Variants in FRA10AC1 observed in about 807,000 individuals in gnomAD.
The protein encoded by FRA10AC1 is FRA10A associated CGG repeat 1, also known as protein FRA10AC1.
FRA10AC1 carries 43 observed loss-of-function variants against 56.5 expected under a neutral mutation model. That is an observed-to-expected ratio of 0.76 (90% CI 0.60 to 0.98). The LOEUF is 0.98. FRA10AC1 is among the 50% of genes least tolerant of loss of function. The pLI is 0.00. For synonymous variants in FRA10AC1, 112 were observed against 110.5 expected (o/e 1.01, Z -0.09); for missense variants, 346 against 351.8 (o/e 0.98, Z 0.13).
At chr10:93,695,849 G>A (rs543570048) in intron 4 of FRA10AC1, among the ~76,000 whole-genome samples, 2 of 152,296 alleles carry the variant, frequency 1.3e-5, no homozygotes, top group South Asian at 4.1e-4. Flanking sequence ...TATTAGAGCT[G>A]GGGTCAGCAA....
intron 7 of FRA10AC1, among the ~76,000 whole-genome samples, chr10:93,691,238 C>T (rs1190646981): frequency 6.6e-6 from 1 of 152,120 alleles, no homozygotes; most frequent in South Asian, 2.1e-4. Context: ...TGCAGTGGCA[C>T]GATCATAGCT....
chr10:93,695,067 C>A, intron 4 of FRA10AC1, 130 bp from the exon 5 acceptor site: 1 of 566,252 alleles, frequency 1.8e-6, no homozygotes, highest in Non-Finnish European at 3.1e-6. Context: ...ACACACTATA[C>A]ATGCTTACAC....
intron 11 of FRA10AC1, among the ~76,000 whole-genome samples, chr10:93,677,517 A>T (rs935029125): frequency 2.0e-5 from 3 of 152,314 alleles, no homozygotes; most frequent in Non-Finnish European, 4.4e-5. Context: ...GTCCATAGGT[A>T]AAAAAGACGT....
In FRA10AC1 at chr10:93,669,812, TTCTC is replaced by T; in HGVS notation, c.*10_*13del. 1 of 1,544,818 alleles carries T rather than the reference TTCTC, an allele frequency of 6.5e-7. No homozygotes were observed. Among genetic ancestry groups the T allele is most frequent in the Non-Finnish European group, 8.8e-7 (1 of 1,131,650 alleles). ...AAGTTTCACATTAAGGAGCGGAGGC[TTCTC>T]TCTCTCGTCTCATAGAAACAAATCC... On this transcript the variant is annotated 3_prime_UTR_variant, in exon 14 of 14. Coordinates refer to ENST00000359204, the MANE Select transcript of FRA10AC1 (RefSeq NM_145246.5).
chr10:93,673,403 A>G (rs776529300), intron 12 of FRA10AC1: 2 of 455,620 alleles, frequency 4.4e-6, no homozygotes, highest in South Asian at 3.1e-5. Flanking sequence ...AGTTTTCTCC[A>G]TACCTCAGTT....
chr10:93,698,546 T>G (rs2059274158), intron 2 of FRA10AC1, 150 bp from the exon 3 acceptor site: 3 of 520,830 alleles, frequency 5.8e-6, no homozygotes, highest in Admixed American at 6.9e-5. Context: ...TTACATTTCC[T>G]TAAATAGCTT....
chr10:93,692,914 ATAC>A (rs1360063407), intron 5 of FRA10AC1, among the ~76,000 whole-genome samples, 185 bp from the exon 6 acceptor site: 1 of 152,174 alleles, frequency 6.6e-6, no homozygotes, highest in Non-Finnish European at 1.5e-5. Context: ...ACTTATAAAA[ATAC>A]TACTACAGAA....
chr10:93,699,031 G>A (rs1030705440), intron 2 of FRA10AC1, among the ~76,000 whole-genome samples: 2 of 152,124 alleles, frequency 1.3e-5, no homozygotes, highest in African/African-American at 2.4e-5. Flanking sequence ...ACTGTAGTAC[G>A]TGGCCCAAGA....
In FRA10AC1 at chr10:93,667,934, GT is replaced by G. The variant is rs1378690816; in HGVS notation, c.*1891del. On this transcript the variant is annotated 3_prime_UTR_variant, in exon 14 of 14. Coordinates refer to ENST00000359204, the MANE Select transcript of FRA10AC1 (RefSeq NM_145246.5). ...AGAAGTGAGGGGACTATCAAACAAT[GT>G]TAAACACTGATAAACCCAACACTGA... is the stretch of plus-strand genomic sequence containing the variant. 6.6e-6 allele frequency: 1 copy of G among 152,158 alleles called. No individual in the cohort carries two copies. Among genetic ancestry groups the G allele is most frequent in the African/African-American group, 2.4e-5 (1 of 41,430 alleles). 9.4% of individuals were successfully genotyped at this position (152,158 alleles called of 1,614,324 possible).
In FRA10AC1 at chr10:93,681,551, T is replaced by A. The variant is rs2058935193; in HGVS notation, c.716A>T (p.Asp239Val). ...SKKRKDKTKK[D>V]CEESSHKKSR... ...TTTTTTATGTGATGACTCTTCACAG[T>A]CTTTTTTGGTTTTATCTTTTCTTTT... is the stretch of plus-strand genomic sequence containing the variant. The change falls in exon 11 of 14, where the codon GAC becomes GTC. Residue 239 changes from aspartate (D) to valine (V), a missense_variant. Asp to Val is a radical substitution (Grantham distance 152). Coordinates refer to ENST00000359204, the MANE Select transcript of FRA10AC1 (RefSeq NM_145246.5). The A allele has an allele frequency of 6.4e-7, 1 of 1,572,432 alleles. No homozygotes were observed. Among genetic ancestry groups the A allele is most frequent in the Non-Finnish European group, 8.6e-7 (1 of 1,163,052 alleles).
chr10:93,675,650 A>G (rs1021955365), intron 12 of FRA10AC1: 2 of 373,706 alleles, frequency 5.4e-6, no homozygotes, highest in Admixed American at 2.6e-5. Flanking sequence ...GGCTGCAGTC[A>G]GCTGAGATCG....
intron 5 of FRA10AC1, 38 bp downstream of exon 5, chr10:93,694,823 A>G: frequency 8.3e-7 from 1 of 1,202,360 alleles, no homozygotes; most frequent in African/African-American, 1.5e-5. Flanking sequence ...GTTTCCCATA[A>G]CCCACATTCC....
intron 10 of FRA10AC1, 30 bp from the exon 11 acceptor site, chr10:93,681,628 T>C (rs193119517): frequency 3.4e-5 from 50 of 1,454,010 alleles, no homozygotes; most frequent in Non-Finnish European, 4.3e-5. Context: ...AAATTAAAGT[T>C]AACTTTTCCA....
chr10:93,695,001 T>A, intron 4 of FRA10AC1, 64 bp from the exon 5 acceptor site: 1 of 822,350 alleles, frequency 1.2e-6, no homozygotes. Flanking sequence ...AATATATTGC[T>A]GATTGGTGGT....
intron 12 of FRA10AC1, chr10:93,671,981 A>T (rs1296982006): frequency 2.3e-6 from 1 of 426,638 alleles, no homozygotes; most frequent in Non-Finnish European, 4.6e-6. Context: ...AATCACCTGT[A>T]TTAGTCAACT....
At chr10:93,683,356 C>T (rs2058968196) in intron 10 of FRA10AC1, among the ~76,000 whole-genome samples, 1 of 148,524 alleles carries the variant, frequency 6.7e-6, no homozygotes, top group Non-Finnish European at 1.5e-5. Context: ...CTGATTTTAA[C>T]TTTTTTTTTT....
chr10:93,673,743 G>A (rs1224205938), intron 12 of FRA10AC1: 19 of 445,638 alleles, frequency 4.3e-5, no homozygotes, highest in Middle Eastern at 6.7e-4. Flanking sequence ...CTTACTTTGC[G>A]TCAGGCACAT....
chr10:93,675,723 T>C (rs1589714909), intron 12 of FRA10AC1: 1 of 316,180 alleles, frequency 3.2e-6, no homozygotes, highest in Admixed American at 3.2e-5. Flanking sequence ...TAAAATAAAA[T>C]AACTAAGTAA....
In FRA10AC1 at chr10:93,669,763, T is replaced by C. The variant is rs902365755; in HGVS notation, c.*63A>G. On this transcript the variant is annotated 3_prime_UTR_variant, in exon 14 of 14. Coordinates refer to ENST00000359204, the MANE Select transcript of FRA10AC1 (RefSeq NM_145246.5). ...ATAAAAACTTATATGGAATTTCAAA[T>C]TGCATGAAGTTTAAAACTTCATGAA... 2.6e-5 allele frequency: 28 copies of C among 1,070,714 alleles called. No homozygotes were observed. Among genetic ancestry groups the C allele is most frequent in the Non-Finnish European group, 3.7e-5 (27 of 720,756 alleles). The allele number at this position is 1,070,714 out of a possible 1,614,324, so 66.3% of individuals were successfully genotyped here.
Sources: gnomAD v4.1 joint callset for allele counts (sites outside exome capture counted in the v4.1 genomes callset) on GRCh38, gnomAD v4.1.1 for gene constraint, MANE v1.5 for transcripts, NCBI Gene and HGNC (gene_info 2026-07-23, HGNC 2026-07-21) for gene names.